Variants in SNAPC1 observed in about 807,000 individuals in gnomAD.
SNAPC1 encodes small nuclear RNA activating complex polypeptide 1, also known as snRNA-activating protein complex subunit 1.
In SNAPC1, 42 loss-of-function variants were observed where a neutral mutation model predicts 50.1. That is an observed-to-expected ratio of 0.84 (90% CI 0.65 to 1.08). The LOEUF (loss-of-function observed/expected upper bound fraction) is 1.08, where lower values mean the gene tolerates loss of function less well. Ranked by LOEUF, SNAPC1 falls within the 50% of genes least tolerant of loss-of-function variation. The probability of loss-of-function intolerance (pLI) is 0.00; values close to 1 mark genes in which losing one functional copy is unlikely to be tolerated. For missense variants in SNAPC1, 477 were observed against 427.3 expected (o/e 1.12, Z -1.02); for synonymous variants, 164 against 144.2 (o/e 1.14, Z -0.98).
intron 4 of SNAPC1, among the ~76,000 whole-genome samples, chr14:61,774,685 C>T (rs2045021812): frequency 1.1e-5 from 1 of 94,964 alleles, no homozygotes; most frequent in Non-Finnish European, 1.9e-5. Flanking sequence ...TTTTGAGAGG[C>T]AGAGTTTCAC....
At chr14:61,784,680 G>A (rs2045101985) in intron 8 of SNAPC1, among the ~76,000 whole-genome samples, 1 of 152,350 alleles carries the variant, frequency 6.6e-6, no homozygotes, top group East Asian at 1.9e-4. Flanking sequence ...ATTTGGTCCA[G>A]GGGCCATAGT....
chr14:61,776,078 C>A lies in SNAPC1; in HGVS notation c.535-17C>A. 6.4e-7 allele frequency: 1 copy of A among 1,563,396 alleles called. No individual in the cohort carries two copies. Among genetic ancestry groups the A allele is most frequent in the Non-Finnish European group, 8.6e-7 (1 of 1,160,910 alleles). ...TCAAAAAGTGAAGAAATAAAGGACT[C>A]ATCTTTTTGCTTTTAGGAAATGCTG... On this transcript the variant is annotated splice_polypyrimidine_tract_variant and intron_variant, in intron 4 of 9. Coordinates refer to ENST00000216294, the MANE Select transcript of SNAPC1 (RefSeq NM_003082.4).
At chr14:61,774,648 ATTTTTTTTTTTTTTTTTT>A (rs35300490) in intron 4 of SNAPC1, among the ~76,000 whole-genome samples, 6 of 90,968 alleles carry the variant, frequency 6.6e-5, no homozygotes, top group African/African-American at 1.7e-4. Flanking sequence ...TCAGTTTCTC[ATTTTTTTTTTTTTTTTTT>A]TTTTTTTTTT....
At position 61,764,204 on chromosome 14, in the gene SNAPC1, C is replaced by G. The variant is rs544823199; in HGVS notation, c.128+1616C>G. ...AATTTTCCTTTGACTAGACTGACCT[C>G]TGTGAGGACAGTGACTGGATGAATC... On this transcript the variant is annotated intron_variant, in intron 1 of 9. Transcript: ENST00000216294. Among the ~76,000 whole-genome samples, 140 of 152,282 alleles carry G rather than the reference C, an allele frequency of 9.2e-4. 1 individual carries two copies. Among genetic ancestry groups the G allele is most frequent in the African/African-American group, 3.2e-3 (134 of 41,560 alleles).
Position 61,762,553 on chromosome 14 carries a change from G to T in SNAPC1, c.93G>T (p.Glu31Asp). The T allele has an allele frequency of 6.6e-7, 1 of 1,518,158 alleles. No homozygotes were observed. The highest frequency in any genetic ancestry group is 8.9e-7 in the Non-Finnish European group (1 of 1,128,724). The allele number at this position is 1,518,158 out of a possible 1,614,324, so 94.0% of individuals were successfully genotyped here. Residue 31 changes from glutamate to aspartate, a missense_variant, in exon 1 of 10, where the codon GAG becomes GAT. By Grantham distance (45) the Glu-to-Asp change is conservative (BLOSUM62 2). Coordinates refer to ENST00000216294, the MANE Select transcript of SNAPC1 (RefSeq NM_003082.4). ...TDSVRFEDFT[E>D]LWRNMKFGTI... ...GTGTACGCTTCGAGGACTTCACGGA[G>T]CTCTGGAGAAACATGAAGTTCGGGA...
intron 3 of SNAPC1, among the ~76,000 whole-genome samples, chr14:61,768,026 C>T (rs958171215): frequency 3.3e-5 from 5 of 152,226 alleles, no homozygotes; most frequent in African/African-American, 4.8e-5. Context: ...GTGATCCACC[C>T]GCCTCAGCCT....
intron 8 of SNAPC1, among the ~76,000 whole-genome samples, chr14:61,790,143 C>T (rs534986500): frequency 3.3e-5 from 5 of 152,106 alleles, no homozygotes; most frequent in Admixed American, 6.5e-5. Flanking sequence ...CGCTCCAGTC[C>T]GCCTTGCCAG....
chr14:61,781,309 C>T (rs573597443), intron 7 of SNAPC1, among the ~76,000 whole-genome samples: 331 of 151,808 alleles, frequency 2.2e-3, no homozygotes, highest in Admixed American at 4.5e-3. Context: ...ATTAGCCGGG[C>T]GTGGTGGTGG....
intron 4 of SNAPC1, 32 bp downstream of exon 4, chr14:61,768,772 T>G (rs781647000): frequency 8.1e-7 from 1 of 1,231,252 alleles, no homozygotes; most frequent in Non-Finnish European, 1.2e-6. Context: ...TGAAAATTTT[T>G]AAAAATTGTT....
intron 8 of SNAPC1, 43 bp downstream of exon 8, chr14:61,782,440 G>A (rs1452235797): frequency 3.3e-6 from 5 of 1,497,366 alleles, no homozygotes; most frequent in South Asian, 2.5e-5. Flanking sequence ...AAGGAGAATG[G>A]GTTTTATTTA....
At chr14:61,783,771 T>C (rs1233874175) in intron 8 of SNAPC1, among the ~76,000 whole-genome samples, 3 of 151,892 alleles carry the variant, frequency 2.0e-5, no homozygotes, top group Non-Finnish European at 4.4e-5. Flanking sequence ...AACTCCTGAC[T>C]TCGTGATTCG....
At position 61,776,226 on chromosome 14, in the gene SNAPC1, G is replaced by A; in HGVS notation, c.666G>A (p.Glu222=). The A allele has an allele frequency of 1.2e-6, 2 of 1,612,718 alleles. No individual in the cohort carries two copies. The highest frequency in any genetic ancestry group is 2.2e-5 in the East Asian group (1 of 44,844). Residue 222 remains glutamate, a synonymous_variant, in exon 5 of 10, where the codon GAG becomes GAA. Transcript: ENST00000216294. ...FFDNIKNIVL[E]HQQWHKDRKN... is the part of the protein sequence containing the mutation. ...ACAATATTAAGAACATAGTTTTGGA[G>A]CATCAGCAGTGGCACAAAGACAGAA...
intron 6 of SNAPC1, 111 bp downstream of exon 6, chr14:61,778,251 T>A: frequency 1.6e-6 from 1 of 607,972 alleles, no homozygotes; most frequent in Non-Finnish European, 2.8e-6. Flanking sequence ...GAATCATGCT[T>A]CTGTGAAAAG....
At chr14:61,772,815 C>T (rs770811591) in intron 4 of SNAPC1, among the ~76,000 whole-genome samples, 22 of 152,184 alleles carry the variant, frequency 1.4e-4, no homozygotes, top group Non-Finnish European at 2.5e-4. Context: ...CAAAGGTCTA[C>T]TCTTTTAGAG....
In SNAPC1 at chr14:61,778,124, A is replaced by G; in HGVS notation, c.746A>G (p.Asn249Ser). The G allele has an allele frequency of 2.5e-6, 4 of 1,603,836 alleles. No homozygotes were observed. The South Asian group carries it at 4.5e-5, about 18-fold the overall frequency. ...GATGGAGAAGAAAAAATGGAAGGAA[A>G]TTCACAAGAAACGGAGGTCAGAAAA... ...TNDGEEKMEG[N>S]SQETERCERA... Residue 249 changes from asparagine to serine, a missense_variant, in exon 6 of 10, where the codon AAT (asparagine) becomes AGT (serine). Coordinates refer to ENST00000216294, the MANE Select transcript of SNAPC1 (RefSeq NM_003082.4).
At chr14:61,769,744 G>C (rs2044974517) in intron 4 of SNAPC1, among the ~76,000 whole-genome samples, 1 of 152,168 alleles carries the variant, frequency 6.6e-6, no homozygotes, top group African/African-American at 2.4e-5. Context: ...ATTGAAAACA[G>C]TGAGTCTATT....
chr14:61,782,753 T>C (rs747562198), intron 8 of SNAPC1, among the ~76,000 whole-genome samples: 34 of 151,714 alleles, frequency 2.2e-4, no homozygotes, highest in Non-Finnish European at 4.4e-4. Context: ...CTACTAAAAA[T>C]ATAAAAGTCG....
chr14:61,785,819 T>C (rs959632626), intron 8 of SNAPC1, among the ~76,000 whole-genome samples: 1 of 152,222 alleles, frequency 6.6e-6, no homozygotes, highest in South Asian at 2.1e-4. Flanking sequence ...ACATAAGCAA[T>C]AGGGGAGAGG....
chr14:61,783,177 C>G (rs2045089990), intron 8 of SNAPC1, among the ~76,000 whole-genome samples: 1 of 150,958 alleles, frequency 6.6e-6, no homozygotes, highest in Middle Eastern at 3.2e-3. Context: ...CACCTGCCAC[C>G]ATACCCAGCT....
Sources: allele counts gnomAD v4.1 joint callset (sites outside exome capture counted in the v4.1 genomes callset), GRCh38; gene constraint gnomAD v4.1.1; transcripts MANE v1.5; gene names NCBI Gene and HGNC (gene_info 2026-07-23, HGNC 2026-07-21).